Variants in UNC13D observed in about 807,000 individuals in gnomAD.
UNC13D encodes the protein protein unc-13 homolog D.
UNC13D carries 115 observed loss-of-function variants against 151.7 expected under a neutral mutation model. That is an observed-to-expected ratio of 0.76 (90% CI 0.65 to 0.88). UNC13D has a LOEUF of 0.88. Ranked by LOEUF, UNC13D falls within the 40% of genes least tolerant of loss-of-function variation. The pLI is 0.00. For synonymous variants in UNC13D, 588 were observed against 612.2 expected, an observed-to-expected ratio of 0.96 and a Z score of 0.58; for missense variants, 1,369 against 1,438.7, an observed-to-expected ratio of 0.95 and a Z score of 0.78.
chr17:75,834,340 G>A lies in UNC13D; in HGVS notation c.2283C>T (p.Arg761=), dbSNP rs751602045. Reference sequence around the variant, plus strand: ...GACAAGGTACCTGCTCGGCCAGGGTGCGGACGCCAGTGCGGATCTCATGGC... The same window carrying A: ...GACAAGGTACCTGCTCGGCCAGGGTACGGACGCCAGTGCGGATCTCATGGC... ...GLGHEIRTGV[R]TLAEQLEVGI... The change falls in exon 23 of 32, where the codon CGC becomes CGT. Residue 761 remains arginine (R), a synonymous_variant. Transcript: ENST00000207549. 6.3e-7 allele frequency: 1 copy of A among 1,594,922 alleles called. No homozygotes were observed. Among genetic ancestry groups the A allele is most frequent in the Admixed American group, 1.7e-5 (1 of 59,712 alleles).
At chr17:75,837,466 T>A (rs535727560) in intron 12 of UNC13D, among the ~76,000 whole-genome samples, 1 of 151,568 alleles carries the variant, frequency 6.6e-6, no homozygotes, top group Admixed American at 6.6e-5. Flanking sequence ...TTTGAAAAAT[T>A]GGATTAGCTG....
In UNC13D at chr17:75,835,744, C is replaced by T; in HGVS notation, c.1630G>A (p.Val544Met). Reference protein sequence around the residue: ...AKRVQDHTTVVGDVVSPEMGE... With the variant: ...AKRVQDHTTVMGDVVSPEMGE... ...ATCTCTGGGGACACTACATCACCCA[C>T]AACCGTCGTGTGGTCCTGCACCCGC... The change falls in exon 19 of 32, where the codon GTG becomes ATG. Residue 544 changes from valine to methionine, a missense_variant. By Grantham distance (21) the Val-to-Met change is conservative (BLOSUM62 1). Coordinates refer to ENST00000207549, the MANE Select transcript of UNC13D (RefSeq NM_199242.3). 1 of 1,613,892 alleles carries T rather than the reference C, an allele frequency of 6.2e-7. No individual in the cohort carries two copies. Among genetic ancestry groups the T allele is most frequent in the African/African-American group, 1.3e-5 (1 of 75,074 alleles).
Position 75,834,979 on chromosome 17 carries a change from G to A in UNC13D, c.1933C>T (p.Arg645Trp), listed in dbSNP as rs768266670. The change falls in exon 21 of 32, where the codon CGG (arginine) becomes TGG (tryptophan). Residue 645 changes from arginine (R) to tryptophan (W), a missense_variant. Physicochemically the swap from Arg to Trp is moderately radical, Grantham distance 101. This residue lies in a region of UNC13D where 807 missense variants were observed against 795.5 expected (regional missense o/e 1.01). Transcript: ENST00000207549. ...TCTGGGTCTGGCCAGTCCAGCTGCC[G>A]GGCAGTGTGGCTGATCTGGGCAAAG... Reference protein sequence around the residue: ...TCFAQISHTARQLDWPDPEEA... With the variant: ...TCFAQISHTAWQLDWPDPEEA... 3.3e-5 allele frequency: 53 copies of A among 1,613,944 alleles called. No individual in the cohort carries two copies. Among genetic ancestry groups the A allele is most frequent in the South Asian group, 9.9e-5 (9 of 91,090 alleles).
Position 75,836,266 on chromosome 17 carries a change from A to C in UNC13D, c.1390-10T>G. The C allele has an allele frequency of 1.2e-6, 2 of 1,612,996 alleles. No homozygotes were observed. The highest frequency in any genetic ancestry group is 1.7e-6 in the Non-Finnish European group (2 of 1,179,666). The stretch of plus-strand genomic sequence containing the variant: ...ATTCAGTGGTGCCAGTCTGTCGACA[A>C]AGAGGCAGTGAGCAGGGAGGGACTG... On this transcript the variant is annotated splice_polypyrimidine_tract_variant and intron_variant, in intron 15 of 31. Coordinates refer to ENST00000207549, the MANE Select transcript of UNC13D (RefSeq NM_199242.3).
Position 75,844,109 on chromosome 17 carries a change from C to T in UNC13D, c.117+112G>A, listed in dbSNP as rs552171678. Reference sequence around the variant, plus strand: ...CAGGGTGGAGTAGGCAGGGGAGGGTCGCTGGTCCCCAGTCCCAGCCTTCGA... The same window carrying T: ...CAGGGTGGAGTAGGCAGGGGAGGGTTGCTGGTCCCCAGTCCCAGCCTTCGA... On this transcript the variant is annotated intron_variant, in intron 1 of 31. Transcript: ENST00000207549. 43 of 1,514,950 alleles carry T rather than the reference C, an allele frequency of 2.8e-5. 1 individual carries two copies. Among genetic ancestry groups the T allele is most frequent in the African/African-American group, 1.6e-4 (12 of 73,280 alleles). The allele number at this position is 1,514,950 out of a possible 1,614,324, so 93.8% of individuals were successfully genotyped here.
In UNC13D at chr17:75,835,498, G is replaced by A. The variant is rs148574729; in HGVS notation, c.1759C>T (p.Arg587Cys). The change falls in exon 20 of 32, where the codon CGC becomes TGC. Residue 587 changes from arginine to cysteine, a missense_variant. By Grantham distance (180) the Arg-to-Cys change is radical. This residue lies in a region of UNC13D where 807 missense variants were observed against 795.5 expected (regional missense o/e 1.01). Transcript: ENST00000207549. The part of the protein sequence containing the change: ...DGVLALDNFH[R>C]WFQPAIPSWL... ...GAGGGGATGGCCGGCTGGAACCAGC[G>A]GTGGAAATTATCCAGGGCCAGGACT... The A allele has an allele frequency of 2.1e-4, 338 of 1,609,410 alleles. No homozygotes were observed. Among genetic ancestry groups the A allele is most frequent in the Non-Finnish European group, 2.6e-4 (310 of 1,178,080 alleles).
intron 4 of UNC13D, 38 bp from the exon 5 acceptor site, chr17:75,842,961 G>T: frequency 1.9e-6 from 3 of 1,613,128 alleles, no homozygotes; most frequent in Non-Finnish European, 1.7e-6. Context: ...TCCCTGAGGG[G>T]GCTGGGCTTC....
At chr17:75,842,339 G>T in intron 6 of UNC13D, 94 bp downstream of exon 6, 3 of 1,513,234 alleles carry the variant, frequency 2.0e-6, no homozygotes, top group Non-Finnish European at 1.8e-6. Context: ...CCCCTCCCCT[G>T]AGCCAGGACG....
chr17:75,835,512 A>G lies in UNC13D; in HGVS notation c.1745T>C (p.Leu582Pro). 6.2e-7 allele frequency: 1 copy of G among 1,606,848 alleles called. No individual in the cohort carries two copies. The highest frequency in any genetic ancestry group is 1.1e-5 in the South Asian group (1 of 90,328). ...CTGGAACCAGCGGTGGAAATTATCC[A>G]GGGCCAGGACTCCATCCCTGGGGAT... ...SSSERDGVLA[L>P]DNFHRWFQPA... Residue 582 changes from leucine to proline, a missense_variant, in exon 20 of 32, where the codon CTG becomes CCG. Leu to Pro is a moderately conservative substitution (Grantham distance 98). Coordinates refer to ENST00000207549, the MANE Select transcript of UNC13D (RefSeq NM_199242.3).
intron 30 of UNC13D, 48 bp from the exon 31 acceptor site, chr17:75,829,031 C>T (rs1040965765): frequency 1.9e-6 from 3 of 1,583,700 alleles, no homozygotes; most frequent in Non-Finnish European, 2.6e-6. Context: ...ACAGCCACCC[C>T]AGCCTCGGCA....
chr17:75,828,108 G>T (rs1290753295), intron 31 of UNC13D, 22 bp from the exon 32 acceptor site: 2 of 1,569,148 alleles, frequency 1.3e-6, no homozygotes, highest in Admixed American at 1.9e-5. Flanking sequence ...GGGGTTTGGG[G>T]GTCAGATGCC....
chr17:75,832,823 T>C lies in UNC13D; in HGVS notation c.2447+143A>G. ...GCTGAGGCCCAGGAAAGAGGGGCCG[T>C]GGGAGGAGAGGGGGAGGTGGCGAGC... On this transcript the variant is annotated intron_variant, in intron 25 of 31. Transcript: ENST00000207549. The surrounding 1 kb of genome is among the most constrained non-coding windows in gnomAD (Gnocchi z 4.3). The C allele has an allele frequency of 2.8e-6, 2 of 722,266 alleles. No individual in the cohort carries two copies. Among genetic ancestry groups the C allele is most frequent in the Non-Finnish European group, 4.8e-6 (2 of 419,454 alleles). The allele number at this position is 722,266 out of a possible 1,614,324, so 44.7% of individuals were successfully genotyped here.
At position 75,831,148 on chromosome 17, in the gene UNC13D, C is replaced by A; in HGVS notation, c.2575G>T (p.Ala859Ser). The A allele has an allele frequency of 6.2e-7, 1 of 1,614,040 alleles. No homozygotes were observed. The highest frequency in any genetic ancestry group is 1.1e-5 in the South Asian group (1 of 91,088). Reference protein sequence around the residue: ...ALQNLEICFHAEGCGLPPKAL... With the variant: ...ALQNLEICFHSEGCGLPPKAL... ...TTGGGTGGCAGGCCACAGCCCTCAGCGTGGAAGCAGATCTCCAGGTTCTGG... is the reference window on the plus strand; with the variant it reads ...TTGGGTGGCAGGCCACAGCCCTCAGAGTGGAAGCAGATCTCCAGGTTCTGG... Residue 859 changes from alanine (A) to serine (S), a missense_variant, in exon 27 of 32, where the codon GCT (alanine) becomes TCT (serine). Ala to Ser is a moderately conservative substitution (Grantham distance 99). This residue lies in a region of UNC13D where 807 missense variants were observed against 795.5 expected (regional missense o/e 1.01). Coordinates refer to ENST00000207549, the MANE Select transcript of UNC13D (RefSeq NM_199242.3).
At position 75,843,007 on chromosome 17, in the gene UNC13D, A is replaced by T. The variant is rs556988412; in HGVS notation, c.321+7T>A. 3 of 1,606,114 alleles carry T rather than the reference A, an allele frequency of 1.9e-6. No homozygotes were observed. The South Asian group carries it at 3.3e-5, about 18-fold the overall frequency. ...CCTTGCCCAGGGGGACCCTGGCCCC[A>T]GGTTACCTCAAGCTCCCTGACCCGC... On this transcript the variant is annotated splice_region_variant and intron_variant, in intron 4 of 31. Coordinates refer to ENST00000207549, the MANE Select transcript of UNC13D (RefSeq NM_199242.3).
intron 6 of UNC13D, 134 bp from the exon 7 acceptor site, chr17:75,841,135 CTTTTTTTTTTT>C (rs34691954): frequency 2.0e-5 from 6 of 306,210 alleles, no homozygotes; most frequent in East Asian, 1.5e-4. Flanking sequence ...AGCCGCATCC[CTTTTTTTTTTT>C]TTTTTTTTTT....
rs756588179 is a variant in UNC13D, at chr17:75,830,622, G to C, written c.2665C>G (p.Arg889Gly). 2.2e-5 allele frequency: 34 copies of C among 1,557,620 alleles called. 1 individual carries two copies. The Middle Eastern group carries it at 5.0e-4, about 23-fold the overall frequency. Reference protein sequence around the residue: ...RDLELQAASSRELIRKYFCSR... With the variant: ...RDLELQAASSGELIRKYFCSR... ...CAGAAGTACTTCCGGATGAGTTCCCGGCTGGAGGCCGCCTGCAGCTCCAGG... is the reference window on the plus strand; with the variant it reads ...CAGAAGTACTTCCGGATGAGTTCCCCGCTGGAGGCCGCCTGCAGCTCCAGG... Residue 889 changes from arginine (R) to glycine (G), a missense_variant, in exon 28 of 32, where the codon CGG becomes GGG. Transcript: ENST00000207549.
chr17:75,834,471 G>C lies in UNC13D; in HGVS notation c.2152C>G (p.Gln718Glu). 6.4e-7 allele frequency: 1 copy of C among 1,565,644 alleles called. No homozygotes were observed. The highest frequency in any genetic ancestry group is 8.6e-7 in the Non-Finnish European group (1 of 1,157,684). Residue 718 changes from glutamine (Q) to glutamate (E), a missense_variant, in exon 23 of 32, where the codon CAG (glutamine) becomes GAG (glutamate). By Grantham distance (29) the Gln-to-Glu change is conservative (BLOSUM62 2). Transcript: ENST00000207549. ...TGCTCCAGGGCCTCCCATGCCAGCTGGGCGGGCAACTTGCCGATCACCAGC... is the reference window on the plus strand; with the variant it reads ...TGCTCCAGGGCCTCCCATGCCAGCTCGGCGGGCAACTTGCCGATCACCAGC... ...LRLVIGKLPA[Q>E]LAWEALEQRV...
chr17:75,836,102 G>A lies in UNC13D; in HGVS notation c.1454C>T (p.Pro485Leu), dbSNP rs550974990. The A allele has an allele frequency of 2.5e-5, 40 of 1,613,346 alleles. No homozygotes were observed. Among genetic ancestry groups the A allele is most frequent in the Admixed American group, 3.3e-5 (2 of 60,036 alleles). The change falls in exon 17 of 32, where the codon CCG becomes CTG. Residue 485 changes from proline to leucine, a missense_variant. Around this residue, in one of 3 missense-constraint regions of UNC13D, gnomAD observed 807 missense variants for 795.5 expected, o/e 1.01. Transcript: ENST00000207549. ...QHHQPMVQGI[P>L]EAGKALLGLV... ...GCCCAGCAAGGCCTTGCCTGCCTCC[G>A]GGATGCCCTGCAGAGACAGAGGTGG...
At chr17:75,836,545 C>G (rs561819334) in intron 14 of UNC13D, 27 bp downstream of exon 14, 2 of 1,613,272 alleles carry the variant, frequency 1.2e-6, no homozygotes, top group African/African-American at 2.7e-5. Context: ...CCTGACCCCA[C>G]CGAGGAAGAG....
Sources: gnomAD v4.1 joint callset for allele counts (sites outside exome capture counted in the v4.1 genomes callset) on GRCh38, gnomAD v4.1.1 for gene constraint, gnomAD v4.1.1 regional missense constraint, Gnocchi (gnomAD v3.1) non-coding constraint, MANE v1.5 for transcripts, NCBI Gene and HGNC (gene_info 2026-07-23, HGNC 2026-07-21) for gene names.